Variants in MCUR1 observed in about 807,000 individuals in gnomAD.
MCUR1 encodes MCU regulator 1.
A neutral mutation model predicts 42.0 loss-of-function variants in MCUR1; 37 were observed. That is an observed-to-expected ratio of 0.88 (90% CI 0.68 to 1.16). The LOEUF (loss-of-function observed/expected upper bound fraction) is 1.16. Among genes scored for constraint, MCUR1 ranks in the 50% most tolerant of loss-of-function variants. MCUR1 has a pLI of 0.00. For synonymous variants in MCUR1, 229 were observed against 196.2 expected (o/e 1.17, Z -1.40); for missense variants, 469 against 468.4 (o/e 1.00, Z -0.01).
At chr6:13,792,076 C>G in intron 7 of MCUR1, 84 bp from the exon 8 acceptor site, 1 of 1,015,472 alleles carries the variant, frequency 9.8e-7, no homozygotes, top group South Asian at 1.4e-5. Context: ...CAACGGGGTG[C>G]AGTCACAGGG....
chr6:13,802,900 G>A (rs898498419), intron 2 of MCUR1, among the ~76,000 whole-genome samples: 1 of 152,116 alleles, frequency 6.6e-6, no homozygotes, highest in African/African-American at 2.4e-5. Context: ...TAGTAATCTA[G>A]CTGTTGGCTA....
intron 1 of MCUR1, among the ~76,000 whole-genome samples, chr6:13,810,614 G>A (rs189550951): frequency 6.6e-6 from 1 of 152,174 alleles, no homozygotes; most frequent in East Asian, 1.9e-4. Flanking sequence ...TAATGAAATC[G>A]AGAGTAAACA....
chr6:13,807,957 T>C (rs142685573), intron 1 of MCUR1, among the ~76,000 whole-genome samples: 29 of 152,326 alleles, frequency 1.9e-4, no homozygotes, highest in East Asian at 7.7e-4. Context: ...AAGTCAGCTA[T>C]GGTTTGAACG....
chr6:13,810,406 A>G (rs959040550), intron 1 of MCUR1, among the ~76,000 whole-genome samples: 1 of 152,154 alleles, frequency 6.6e-6, no homozygotes, highest in Admixed American at 6.5e-5. Flanking sequence ...AAATCTTGCT[A>G]CATATTTGTC....
intron 7 of MCUR1, among the ~76,000 whole-genome samples, chr6:13,792,373 C>T (rs1376406171): frequency 6.6e-6 from 1 of 152,290 alleles, no homozygotes; most frequent in African/African-American, 2.4e-5. Context: ...GCAACGGCTA[C>T]GTCTCATCCT....
intron 1 of MCUR1, among the ~76,000 whole-genome samples, chr6:13,807,526 T>C (rs182302350): frequency 7.9e-5 from 12 of 152,372 alleles, no homozygotes; most frequent in Admixed American, 4.6e-4. Flanking sequence ...TCCTCCATTG[T>C]ATAGCTACAG....
chr6:13,801,377 GA>G lies in MCUR1; in HGVS notation c.651del (p.Gln218SerfsTer3). ...MVTKMQQEIT[F>X]QQVMSQIANV... ...TTCGCAATCTGAGACATTACTTGCT[GA>G]AAAGTGATTTCCTAGGAAAAGAAAA... On this transcript the variant is annotated frameshift_variant, in exon 4 of 9. Transcript: ENST00000379170. LOFTEE classifies it high-confidence loss of function. The G allele has an allele frequency of 6.2e-7, 1 of 1,609,994 alleles. No individual in the cohort carries two copies. Among genetic ancestry groups the G allele is most frequent in the Non-Finnish European group, 8.5e-7 (1 of 1,178,616 alleles).
chr6:13,797,218 T>C (rs950233203), intron 6 of MCUR1, among the ~76,000 whole-genome samples: 2 of 152,204 alleles, frequency 1.3e-5, no homozygotes, highest in East Asian at 3.8e-4. Context: ...CAACAAACAG[T>C]TGTGAGTACT....
chr6:13,814,544 G>C lies in MCUR1; in HGVS notation c.-115C>G. ...GGAGCGAGCGTGGGCCACAGCGCAG[G>C]ACCGCCCTTTCCTGCCGGGCGCGCG... On this transcript the variant is annotated 5_prime_UTR_variant, in exon 1 of 9. Transcript: ENST00000379170. 9.1e-7 allele frequency: 1 copy of C among 1,096,738 alleles called. No homozygotes were observed. Among genetic ancestry groups the C allele is most frequent in the Non-Finnish European group, 1.1e-6 (1 of 884,808 alleles). The allele number at this position is 1,096,738 out of a possible 1,614,324, so 67.9% of individuals were successfully genotyped here.
intron 1 of MCUR1, 92 bp from the exon 2 acceptor site, chr6:13,807,136 T>C: frequency 7.3e-7 from 1 of 1,365,184 alleles, no homozygotes; most frequent in Non-Finnish European, 9.8e-7. Flanking sequence ...CCCCAAAGCC[T>C]TCGTGGTACT....
Position 13,814,378 on chromosome 6 carries a change from G to A in MCUR1, c.52C>T (p.Gln18Ter), listed in dbSNP as rs1347564396. The change falls in exon 1 of 9, where the codon CAG becomes TAG. Residue 18 changes from glutamine to a stop codon, truncating the protein, a stop_gained. Coordinates refer to ENST00000379170, the MANE Select transcript of MCUR1 (RefSeq NM_001031713.4). LOFTEE classifies it high-confidence loss of function. ...GQRTQRLPGR[Q>*]RLLFLPVGLS... The stretch of plus-strand genomic sequence containing the variant: ...CCCACGGGCAAGAAGAGAAGCCGCT[G>A]GCGGCCGGGCAGGCGCTGGGTCCTC... 1.9e-5 allele frequency: 29 copies of A among 1,531,408 alleles called. No homozygotes were observed. The highest frequency in any genetic ancestry group is 8.5e-5 in the African/African-American group (6 of 70,534). 94.9% of individuals were successfully genotyped at this position (1,531,408 alleles called of 1,614,324 possible).
At chr6:13,813,089 G>A (rs746605998) in intron 1 of MCUR1, among the ~76,000 whole-genome samples, 1 of 152,192 alleles carries the variant, frequency 6.6e-6, no homozygotes, top group Non-Finnish European at 1.5e-5. Context: ...ATTCAGTACG[G>A]TAACATGCTG....
chr6:13,790,488 A>T lies in MCUR1; in HGVS notation c.*321T>A. The T allele has an allele frequency of 6.6e-6, 1 of 150,474 alleles. No individual in the cohort carries two copies. 9.3% of individuals were successfully genotyped at this position (150,474 alleles called of 1,614,324 possible). Reference sequence around the variant, plus strand: ...GGTTTTTTTTTTTTTTTTGAGACGGAGTCTCGCTCTGTTGCCCAGGCTGGA... The same window carrying T: ...GGTTTTTTTTTTTTTTTTGAGACGGTGTCTCGCTCTGTTGCCCAGGCTGGA... On this transcript the variant is annotated 3_prime_UTR_variant, in exon 9 of 9. Coordinates refer to ENST00000379170, the MANE Select transcript of MCUR1 (RefSeq NM_001031713.4).
chr6:13,792,556 G>C (rs1000502610), intron 7 of MCUR1, among the ~76,000 whole-genome samples: 2 of 152,140 alleles, frequency 1.3e-5, no homozygotes, highest in Non-Finnish European at 2.9e-5. Context: ...TATGAGGCTT[G>C]GCTACCCACG....
intron 7 of MCUR1, among the ~76,000 whole-genome samples, chr6:13,792,575 G>C (rs142264294): frequency 6.6e-6 from 1 of 152,244 alleles, no homozygotes; most frequent in Non-Finnish European, 1.5e-5. Flanking sequence ...CGGCCAATTT[G>C]TGTCCTTCCC....
In MCUR1 at chr6:13,789,008, A is replaced by C. The variant is rs1759665337; in HGVS notation, c.*1801T>G. 6.6e-6 allele frequency: 1 copy of C among 152,246 alleles called. No homozygotes were observed. Among genetic ancestry groups the C allele is most frequent in the Non-Finnish European group, 1.5e-5 (1 of 68,046 alleles). The allele number at this position is 152,246 out of a possible 1,614,324, so 9.4% of individuals were successfully genotyped here. A position where few individuals can be genotyped will look rare whatever the true frequency, so the allele number is the denominator to read the frequency against. Reference sequence around the variant, plus strand: ...AATGTATTCACCAAACTGATCAAAAAATCTGCCTGTGGTTCCTTCACTGTA... The same window carrying C: ...AATGTATTCACCAAACTGATCAAAACATCTGCCTGTGGTTCCTTCACTGTA... On this transcript the variant is annotated 3_prime_UTR_variant, in exon 9 of 9. Transcript: ENST00000379170.
intron 3 of MCUR1, 122 bp downstream of exon 3, chr6:13,802,121 A>G (rs991478976): frequency 1.6e-6 from 1 of 629,382 alleles, no homozygotes; most frequent in Non-Finnish European, 2.7e-6. Flanking sequence ...CCTCTTAATC[A>G]TGGTAAAAGT....
At chr6:13,795,379 T>C (rs939318723) in intron 6 of MCUR1, among the ~76,000 whole-genome samples, 2 of 152,218 alleles carry the variant, frequency 1.3e-5, no homozygotes, top group African/African-American at 4.8e-5. Context: ...ATTGACGCTG[T>C]CATGGTTTTA....
chr6:13,792,055 T>A, intron 7 of MCUR1, 63 bp from the exon 8 acceptor site: 1 of 1,245,744 alleles, frequency 8.0e-7, no homozygotes. Flanking sequence ...CACCATCCTA[T>A]AGCTCCTTCC....
Sources: allele counts gnomAD v4.1 joint callset (sites outside exome capture counted in the v4.1 genomes callset), GRCh38; gene constraint gnomAD v4.1.1; transcripts MANE v1.5; gene names NCBI Gene and HGNC (gene_info 2026-07-23, HGNC 2026-07-21).